MACROD2: variants seen among roughly 807,000 people sequenced by gnomAD.
MACROD2 encodes ADP-ribose glycohydrolase MACROD2.
A neutral mutation model predicts 70.4 loss-of-function variants in MACROD2; 36 were observed. The observed-to-expected ratio is 0.51, with a 90% CI of 0.39 to 0.68. The LOEUF (loss-of-function observed/expected upper bound fraction) is 0.68, where lower values mean the gene tolerates loss of function less well. Ranked by LOEUF, MACROD2 falls within the 30% of genes least tolerant of loss-of-function variation. The pLI, the probability that MACROD2 is intolerant of heterozygous loss-of-function variation, is 0.00. For missense variants in MACROD2, 496 were observed against 538.4 expected, an observed-to-expected ratio of 0.92 and a Z score of 0.78; for synonymous variants, 172 against 178.8, an observed-to-expected ratio of 0.96 and a Z score of 0.30.
chr20:14,230,639 A>G (rs1339421421), intron 3 of MACROD2, among the ~76,000 whole-genome samples: 2 of 2,948 alleles, frequency 6.8e-4, no homozygotes, highest in Non-Finnish European at 2.6e-3. Flanking sequence ...GTTTATATAT[A>G]TATATATATA....
At chr20:14,207,002 T>C (rs1292505722) in intron 3 of MACROD2, among the ~76,000 whole-genome samples, 1 of 152,162 alleles carries the variant, frequency 6.6e-6, no homozygotes, top group Non-Finnish European at 1.5e-5. Context: ...AAGAGAAAGA[T>C]GGGCAATATG....
chr20:14,441,950 G>A (rs569113924), intron 3 of MACROD2, among the ~76,000 whole-genome samples: 3 of 152,144 alleles, frequency 2.0e-5, no homozygotes, highest in Non-Finnish European at 4.4e-5. Flanking sequence ...AGTGTAGCAG[G>A]AATCTGAAGA....
Position 14,703,790 on chromosome 20 carries a change from G to A in MACROD2, c.418+18831G>A, listed in dbSNP as rs1005710775. On this transcript the variant is annotated intron_variant, in intron 5 of 17. Coordinates refer to ENST00000684519, the MANE Select transcript of MACROD2 (RefSeq NM_001351661.2). Reference sequence around the variant, plus strand: ...CGCCCAGGCTGGAGTGCAATGGCATGATCTCGGCTCACTGCAACCTCTGCT... The same window carrying A: ...CGCCCAGGCTGGAGTGCAATGGCATAATCTCGGCTCACTGCAACCTCTGCT... Among the ~76,000 whole-genome samples the A allele has an allele frequency of 1.1e-4, 16 of 152,140 alleles. 1 individual carries two copies. Among genetic ancestry groups the A allele is most frequent in the Admixed American group, 3.3e-4 (5 of 15,284 alleles).
chr20:15,861,935 C>T (rs1213516936), intron 8 of MACROD2, among the ~76,000 whole-genome samples: 1 of 152,104 alleles, frequency 6.6e-6, no homozygotes, highest in Admixed American at 6.5e-5. Context: ...AACAAAATAA[C>T]TAAAGGGTTA....
intron 8 of MACROD2, among the ~76,000 whole-genome samples, chr20:15,840,370 G>A (rs1477976419): frequency 2.0e-5 from 3 of 152,156 alleles, no homozygotes; most frequent in Admixed American, 1.3e-4. Flanking sequence ...ACTTGCCGGG[G>A]ACAACATGTG....
intron 4 of MACROD2, among the ~76,000 whole-genome samples, chr20:14,549,071 G>A (rs1250882630): frequency 1.3e-5 from 2 of 152,208 alleles, no homozygotes; most frequent in African/African-American, 4.8e-5. Context: ...TGTTCTAGAA[G>A]TCATACCAAC....
At chr20:15,476,236 T>C (rs139998554) in intron 7 of MACROD2, among the ~76,000 whole-genome samples, 146 of 152,364 alleles carry the variant, frequency 9.6e-4, no homozygotes, top group African/African-American at 3.3e-3. Context: ...TATGATACAA[T>C]GCCTTATTAC....
chr20:15,517,838 C>T (rs1050155159), intron 8 of MACROD2, among the ~76,000 whole-genome samples: 1 of 152,218 alleles, frequency 6.6e-6, no homozygotes, highest in Non-Finnish European at 1.5e-5. Flanking sequence ...GTAGAGAATA[C>T]AGTTTGAAGA....
intron 5 of MACROD2, among the ~76,000 whole-genome samples, chr20:14,802,157 A>G (rs1839619300): frequency 6.6e-6 from 1 of 152,056 alleles, no homozygotes. Context: ...GAAGCCTGAG[A>G]CAGCATGCCT....
intron 5 of MACROD2, among the ~76,000 whole-genome samples, chr20:14,813,457 G>A (rs2072738745): frequency 6.6e-6 from 1 of 151,802 alleles, no homozygotes; most frequent in Admixed American, 6.6e-5. Flanking sequence ...ACAGTGTTTG[G>A]TTTTCTGTTT....
intron 6 of MACROD2, among the ~76,000 whole-genome samples, chr20:15,366,409 G>T (rs994246258): frequency 6.6e-6 from 1 of 152,114 alleles, no homozygotes; most frequent in Non-Finnish European, 1.5e-5. Context: ...TTCACATATT[G>T]TTAAAATAAC....
chr20:15,596,227 C>T (rs554945370), intron 8 of MACROD2, among the ~76,000 whole-genome samples: 2 of 152,266 alleles, frequency 1.3e-5, no homozygotes, highest in South Asian at 4.1e-4. Context: ...ACTGAGAGCT[C>T]CTGTTGATGG....
chr20:14,108,896 C>T (rs919234423), intron 3 of MACROD2, among the ~76,000 whole-genome samples: 5 of 152,082 alleles, frequency 3.3e-5, no homozygotes, highest in South Asian at 2.1e-4. Context: ...GGACTTAACC[C>T]GCACTATAGA....
intron 3 of MACROD2, among the ~76,000 whole-genome samples, chr20:14,271,377 C>A (rs1327663713): frequency 1.3e-5 from 2 of 152,214 alleles, no homozygotes; most frequent in Admixed American, 6.5e-5. Flanking sequence ...GATACCCAGA[C>A]AAACAGGGTC....
intron 8 of MACROD2, among the ~76,000 whole-genome samples, chr20:15,527,402 A>G (rs2047736342): frequency 6.6e-6 from 1 of 152,212 alleles, no homozygotes; most frequent in Admixed American, 6.5e-5. Flanking sequence ...ACATGGCTTT[A>G]TAAAGCATCC....
At chr20:14,315,603 G>A (rs909889002) in intron 3 of MACROD2, among the ~76,000 whole-genome samples, 2 of 152,136 alleles carry the variant, frequency 1.3e-5, no homozygotes, top group African/African-American at 2.4e-5. Flanking sequence ...AACAAAGGTA[G>A]CATTTAACTC....
At chr20:14,959,878 T>C (rs141051873) in intron 5 of MACROD2, among the ~76,000 whole-genome samples, 2 of 152,300 alleles carry the variant, frequency 1.3e-5, no homozygotes, top group African/African-American at 4.8e-5. Context: ...AACCCATCTG[T>C]AATACCTGAT....
At chr20:15,937,407 G>A (rs1295107571) in intron 11 of MACROD2, 69 bp from the exon 12 acceptor site, 2 of 1,414,418 alleles carry the variant, frequency 1.4e-6, no homozygotes, top group East Asian at 4.6e-5. Flanking sequence ...GGAGGTGCAG[G>A]GCAGGAAAGC....
At chr20:14,333,822 G>A (rs1188406086) in intron 3 of MACROD2, among the ~76,000 whole-genome samples, 7 of 152,106 alleles carry the variant, frequency 4.6e-5, no homozygotes, top group Non-Finnish European at 8.8e-5. Context: ...CAGATGAAGA[G>A]GAAGAAAATC....
Sources: gnomAD v4.1 joint callset for allele counts (sites outside exome capture counted in the v4.1 genomes callset) on GRCh38, gnomAD v4.1.1 for gene constraint, MANE v1.5 for transcripts, NCBI Gene and HGNC (gene_info 2026-07-23, HGNC 2026-07-21) for gene names.